KIAA1328: variants seen among roughly 807,000 people sequenced by gnomAD.
KIAA1328 encodes the protein KIAA1328.
Under a neutral mutation model 68.1 loss-of-function variants are expected in KIAA1328, and 52 were observed. The ratio of observed to expected loss-of-function variants is 0.76; its 90% CI spans 0.61 to 0.96. KIAA1328 has a LOEUF of 0.96. Ranked by LOEUF, KIAA1328 falls within the 40% of genes least tolerant of loss-of-function variation. The pLI is 0.00. For missense variants in KIAA1328, 641 were observed against 677.6 expected (o/e 0.95, Z 0.60); for synonymous variants, 232 against 239.4 (o/e 0.97, Z 0.28).
chr18:36,927,885 AAAG>A (rs1211685507), intron 5 of KIAA1328, among the ~76,000 whole-genome samples: 2 of 152,054 alleles, frequency 1.3e-5, no homozygotes, highest in African/African-American at 4.8e-5. Flanking sequence ...GAAAAAGAGA[AAAG>A]AGAGAGAAAG....
chr18:36,960,894 A>G (rs1226196128), intron 6 of KIAA1328, among the ~76,000 whole-genome samples: 2 of 152,246 alleles, frequency 1.3e-5, no homozygotes, highest in Non-Finnish European at 2.9e-5. Context: ...TCTAAAAACC[A>G]GAGCTCCTCT....
At chr18:37,008,611 G>C (rs1369803479) in intron 6 of KIAA1328, among the ~76,000 whole-genome samples, 1 of 152,130 alleles carries the variant, frequency 6.6e-6, no homozygotes, top group African/African-American at 2.4e-5. Context: ...ATCAGACAAA[G>C]ACTTTAAAGC....
chr18:36,854,458 T>G (rs2047319280), intron 4 of KIAA1328, among the ~76,000 whole-genome samples: 1 of 152,218 alleles, frequency 6.6e-6, no homozygotes, highest in Non-Finnish European at 1.5e-5. Context: ...CTGACTCTTG[T>G]ATTTACTTAT....
At position 36,880,031 on chromosome 18, in the gene KIAA1328, G is replaced by A. The variant is rs886536957; in HGVS notation, c.333-5526G>A. On this transcript the variant is annotated intron_variant, in intron 4 of 9. Transcript: ENST00000280020. ...CCAGGCTTCAGCTCCCTTTCCAGGG[G>A]AGTGAATGGTTCTGTCTTGCTGGTG... Among the ~76,000 whole-genome samples, 5 of 152,300 alleles carry A rather than the reference G, an allele frequency of 3.3e-5. No individual in the cohort carries two copies. In the South Asian group the frequency reaches 8.3e-4, roughly 25 times the overall value.
intron 4 of KIAA1328, among the ~76,000 whole-genome samples, chr18:36,864,876 C>T (rs1236937068): frequency 6.6e-6 from 1 of 151,602 alleles, no homozygotes; most frequent in Non-Finnish European, 1.5e-5. Flanking sequence ...TTTTTTAAAG[C>T]TAATTTTTAA....
At chr18:36,955,818 C>T (rs965708583) in intron 5 of KIAA1328, 3 of 151,786 alleles carry the variant, frequency 2.0e-5, no homozygotes, top group Non-Finnish European at 4.4e-5. Context: ...TTCACAGGGG[C>T]CTCTCTACAT....
chr18:37,051,588 A>G (rs981951577), intron 6 of KIAA1328, among the ~76,000 whole-genome samples: 1 of 152,224 alleles, frequency 6.6e-6, no homozygotes, highest in African/African-American at 2.4e-5. Context: ...ACCCTGTACT[A>G]GATGGGTTCA....
chr18:37,091,838 A>G (rs1271240908), intron 7 of KIAA1328, among the ~76,000 whole-genome samples: 1 of 152,174 alleles, frequency 6.6e-6, no homozygotes, highest in Non-Finnish European at 1.5e-5. Context: ...CAGCACACCA[A>G]GGAAGCTGGC....
rs193190731 is a variant in KIAA1328, at chr18:36,906,188, A to G, written c.448+20516A>G. ...TTGTATTCCACCTTAGAATCCTCCA[A>G]TCTCCTAAATGATTTTTAAAATATT... On this transcript the variant is annotated intron_variant, in intron 5 of 9. Transcript: ENST00000280020. Among the ~76,000 whole-genome samples the G allele has an allele frequency of 2.7e-4, 41 of 152,200 alleles. No individual in the cohort carries two copies. The East Asian group carries it at 4.2e-3, about 16-fold the overall frequency.
chr18:36,829,272 C>A, intron 1 of KIAA1328, 76 bp downstream of exon 1: 1 of 1,448,080 alleles, frequency 6.9e-7, no homozygotes. Context: ...GCGTGGCAGT[C>A]CGAGAGCGGA....
At chr18:37,210,089 C>T (rs146293784) in intron 9 of KIAA1328, among the ~76,000 whole-genome samples, 33 of 152,248 alleles carry the variant, frequency 2.2e-4, no homozygotes, top group Non-Finnish European at 4.4e-4. Flanking sequence ...GGGGAAAGGT[C>T]CAGTAACATC....
intron 9 of KIAA1328, among the ~76,000 whole-genome samples, chr18:37,201,608 C>T (rs181004155): frequency 1.1e-4 from 16 of 151,986 alleles, no homozygotes; most frequent in Non-Finnish European, 1.8e-4. Flanking sequence ...AGTGGTTGGC[C>T]GTATAGTATT....
chr18:36,991,596 A>G (rs910788737), intron 6 of KIAA1328, among the ~76,000 whole-genome samples: 2 of 152,238 alleles, frequency 1.3e-5, no homozygotes, highest in Admixed American at 6.5e-5. Context: ...GTTATCTATT[A>G]CTGCTTAACC....
At chr18:37,139,020 G>C (rs967499652) in intron 7 of KIAA1328, among the ~76,000 whole-genome samples, 1 of 131,592 alleles carries the variant, frequency 7.6e-6, no homozygotes, top group Non-Finnish European at 1.5e-5. Flanking sequence ...GCAGTGGCAC[G>C]ATCTTGGCTC....
chr18:37,168,169 TG>T (rs1460863150), intron 8 of KIAA1328, among the ~76,000 whole-genome samples: 1 of 152,254 alleles, frequency 6.6e-6, no homozygotes, highest in African/African-American at 2.4e-5. Flanking sequence ...CATTCTTTCA[TG>T]CTATCTGCCC....
chr18:37,162,077 G>A (rs1181868428), intron 8 of KIAA1328, among the ~76,000 whole-genome samples: 1 of 152,164 alleles, frequency 6.6e-6, no homozygotes, highest in African/African-American at 2.4e-5. Context: ...ATAGTCTGCT[G>A]ACATTTCAGC....
intron 7 of KIAA1328, among the ~76,000 whole-genome samples, chr18:37,091,512 G>C (rs773849027): frequency 1.3e-5 from 2 of 152,154 alleles, no homozygotes; most frequent in African/African-American, 2.4e-5. Context: ...TGGGCCTTAA[G>C]ACTAGTATAG....
chr18:36,947,459 C>T (rs1322023461), intron 5 of KIAA1328, among the ~76,000 whole-genome samples: 1 of 152,126 alleles, frequency 6.6e-6, no homozygotes, highest in Non-Finnish European at 1.5e-5. Flanking sequence ...TGGGACAACT[C>T]GGGCTTTTAG....
intron 6 of KIAA1328, among the ~76,000 whole-genome samples, chr18:37,001,729 C>T (rs1365779345): frequency 3.9e-5 from 6 of 152,078 alleles, no homozygotes; most frequent in Non-Finnish European, 7.4e-5. Context: ...TAGAACATCA[C>T]ATCAGTACAA....
Sources: gnomAD v4.1 joint callset for allele counts (sites outside exome capture counted in the v4.1 genomes callset) on GRCh38, gnomAD v4.1.1 for gene constraint, MANE v1.5 for transcripts, NCBI Gene and HGNC (gene_info 2026-07-23, HGNC 2026-07-21) for gene names.